The following GPHN variants were observed in gnomAD, a reference collection of about 807,000 sequenced individuals.
GPHN encodes gephyrin.
GPHN carries 17 observed loss-of-function variants against 95.5 expected under a neutral mutation model. The observed-to-expected ratio is 0.18, with a 90% CI of 0.12 to 0.27. The LOEUF (loss-of-function observed/expected upper bound fraction) is 0.27, where lower values mean the gene tolerates loss of function less well. Among genes scored for constraint, GPHN ranks in the 10% least tolerant of loss-of-function variants. GPHN has a pLI of 1.00. For synonymous variants in GPHN, 320 were observed against 322.5 expected, an observed-to-expected ratio of 0.99 and a Z score of 0.08; for missense variants, 660 against 978.1, an observed-to-expected ratio of 0.67 and a Z score of 4.34.
At chr14:66,643,425 A>G (rs1230445944) in intron 1 of GPHN, among the ~76,000 whole-genome samples, 1 of 152,138 alleles carries the variant, frequency 6.6e-6, no homozygotes, top group Non-Finnish European at 1.5e-5. Flanking sequence ...TTACCAAAGG[A>G]CATGTGCAGG....
intron 3 of GPHN, among the ~76,000 whole-genome samples, chr14:66,787,298 A>G (rs1441755040): frequency 2.0e-5 from 3 of 152,194 alleles, no homozygotes; most frequent in Admixed American, 6.5e-5. Flanking sequence ...AAAAGCACAC[A>G]TATGTTATCT....
At chr14:67,488,927 G>T in the GPHN span, among the ~76,000 whole-genome samples, 1 of 152,148 alleles carries the variant, frequency 6.6e-6, no homozygotes, top group Non-Finnish European at 1.5e-5. Context: ...AAACTTAGTT[G>T]CAGGGAGGAT....
chr14:67,200,226 C>A, the GPHN span: 5 of 1,012,150 alleles, frequency 4.9e-6, no homozygotes, highest in Non-Finnish European at 7.1e-6. Flanking sequence ...TGGCCCTCCA[C>A]AACCCACACC....
the GPHN span, among the ~76,000 whole-genome samples, chr14:67,731,207 C>CTTTTTTTTTTTTTTTTTT: frequency 1.1e-5 from 1 of 90,622 alleles, no homozygotes; most frequent in Admixed American, 1.4e-4. Flanking sequence ...TTCTTTCTTT[C>CTTTTTTTTTTTTTTTTTT]TTTTTTTTTT....
the GPHN span, chr14:67,292,488 G>C: frequency 0.015 from 22,546 of 1,491,036 alleles, 212 homozygotes; most frequent in Non-Finnish European, 0.018. Flanking sequence ...TTAATTTTTG[G>C]ATACCTTTTC....
At chr14:66,958,277 G>C (rs1005036243) in intron 8 of GPHN, among the ~76,000 whole-genome samples, 7 of 151,844 alleles carry the variant, frequency 4.6e-5, no homozygotes, top group African/African-American at 1.5e-4. Flanking sequence ...AGTTGATTTT[G>C]TCTGATATTA....
chr14:67,140,816 A>G (rs1349056740), intron 17 of GPHN, among the ~76,000 whole-genome samples: 1 of 152,240 alleles, frequency 6.6e-6, no homozygotes, highest in Non-Finnish European at 1.5e-5. Flanking sequence ...TAGTATTTCA[A>G]TACAACAGAA....
intron 8 of GPHN, among the ~76,000 whole-genome samples, chr14:66,964,701 G>A (rs1036881715): frequency 5.3e-5 from 8 of 152,134 alleles, no homozygotes; most frequent in Non-Finnish European, 1.5e-5. Context: ...ATAAATGCCA[G>A]ATCTTACCCT....
At chr14:67,085,886 C>G (rs1311444487) in intron 11 of GPHN, among the ~76,000 whole-genome samples, 1 of 152,168 alleles carries the variant, frequency 6.6e-6, no homozygotes, top group Non-Finnish European at 1.5e-5. Context: ...ATCCCAGCAC[C>G]TGCCACCACC....
chr14:67,441,140 A>C, the GPHN span, among the ~76,000 whole-genome samples: 2 of 152,166 alleles, frequency 1.3e-5, no homozygotes, highest in Non-Finnish European at 2.9e-5. Context: ...GAAAAATTCA[A>C]CTGAAAAGAG....
chr14:67,146,350 C>A (rs1486052764), intron 18 of GPHN, among the ~76,000 whole-genome samples: 2 of 152,192 alleles, frequency 1.3e-5, no homozygotes, highest in African/African-American at 4.8e-5. Flanking sequence ...CAAAGAGTTT[C>A]ATTTTTACAA....
At chr14:67,337,985 C>T in the GPHN span, 3 of 152,176 alleles carry the variant, frequency 2.0e-5, no homozygotes, top group Non-Finnish European at 2.9e-5. Context: ...CCACTTCCTA[C>T]ATGTCTGCAG....
At chr14:67,159,180 C>T (rs891801320) in intron 18 of GPHN, among the ~76,000 whole-genome samples, 49 of 152,140 alleles carry the variant, frequency 3.2e-4, no homozygotes, top group African/African-American at 1.1e-3. Flanking sequence ...AAGGCTGTAT[C>T]CCCCTACACA....
At chr14:67,600,271 C>G in the GPHN span, 2 of 1,314,906 alleles carry the variant, frequency 1.5e-6, no homozygotes, top group Non-Finnish European at 2.0e-6. Context: ...GCCGTCTCGC[C>G]CGCTCCAGAC....
chr14:67,496,581 G>C, the GPHN span, among the ~76,000 whole-genome samples: 2 of 151,712 alleles, frequency 1.3e-5, no homozygotes, highest in African/African-American at 4.8e-5. Context: ...AGAAGTAGAC[G>C]TGAGAGAGGT....
At chr14:67,617,380 A>G in the GPHN span, 1 of 152,196 alleles carries the variant, frequency 6.6e-6, no homozygotes, top group Non-Finnish European at 1.5e-5. Flanking sequence ...GACTGTGACC[A>G]ATCTATTAAG....
the GPHN span, chr14:67,302,595 T>G: frequency 1.7e-5 from 25 of 1,431,890 alleles, no homozygotes; most frequent in South Asian, 3.1e-4. Flanking sequence ...GCTAGAAGAA[T>G]AATTGATAGC....
chr14:67,243,216 T>C, the GPHN span, among the ~76,000 whole-genome samples: 1 of 152,016 alleles, frequency 6.6e-6, no homozygotes, highest in African/African-American at 2.4e-5. Context: ...TGAGACATAG[T>C]CTCGCTCTTG....
the GPHN span, among the ~76,000 whole-genome samples, chr14:67,516,234 A>G: frequency 6.6e-6 from 1 of 152,198 alleles, no homozygotes; most frequent in South Asian, 2.1e-4. Context: ...TGGGTGCCTC[A>G]GCCAAGAGGA....
Sources: gnomAD v4.1 joint callset for allele counts (sites outside exome capture counted in the v4.1 genomes callset) on GRCh38, gnomAD v4.1.1 for gene constraint, MANE v1.5 for transcripts, NCBI Gene and HGNC (gene_info 2026-07-23, HGNC 2026-07-21) for gene names.